Variants in MAP2K5 observed in about 807,000 individuals in gnomAD.
MAP2K5 encodes the protein mitogen-activated protein kinase kinase 5.
MAP2K5 carries 49 observed loss-of-function variants against 83.1 expected under a neutral mutation model. The ratio of observed to expected loss-of-function variants is 0.59; its 90% CI spans 0.47 to 0.75. The LOEUF is 0.75. Ranked by LOEUF, MAP2K5 falls within the 30% of genes least tolerant of loss-of-function variation. The pLI is 0.00. For missense variants in MAP2K5, 457 were observed against 557.5 expected (o/e 0.82, Z 1.82); for synonymous variants, 202 against 191.8 (o/e 1.05, Z -0.44).
chr15:67,605,285 C>T (rs745879721), intron 8 of MAP2K5, among the ~76,000 whole-genome samples: 1 of 151,824 alleles, frequency 6.6e-6, no homozygotes, highest in Non-Finnish European at 1.5e-5. Context: ...GATCTCCTGA[C>T]GTCATGATCC....
intron 13 of MAP2K5, among the ~76,000 whole-genome samples, chr15:67,681,159 A>G (rs978962325): frequency 6.6e-6 from 1 of 152,216 alleles, no homozygotes; most frequent in African/African-American, 2.4e-5. Context: ...TTCTCTTAAC[A>G]GCCTTGTCAA....
intron 3 of MAP2K5, among the ~76,000 whole-genome samples, chr15:67,580,432 G>T (rs984253783): frequency 6.6e-6 from 1 of 152,136 alleles, no homozygotes; most frequent in Non-Finnish European, 1.5e-5. Context: ...AGAGCAAGAG[G>T]CAATTTGGGA....
chr15:67,630,825 C>CCT, intron 8 of MAP2K5, 63 bp from the exon 9 acceptor site: 1 of 1,202,136 alleles, frequency 8.3e-7, no homozygotes, highest in Non-Finnish European at 1.2e-6. Flanking sequence ...ACATTTATGT[C>CCT]CTTAACCATT....
rs1372637499 is a variant in MAP2K5, at chr15:67,786,554, T to A, written c.1242+13802T>A. Reference sequence around the variant, plus strand: ...TAGAGAAGGTAGATGAGTGCCAAGCTGCTGGCTTGGGTGGTGCGGGAGCTC... The same window carrying A: ...TAGAGAAGGTAGATGAGTGCCAAGCAGCTGGCTTGGGTGGTGCGGGAGCTC... On this transcript the variant is annotated intron_variant, in intron 21 of 21. Transcript: ENST00000178640. The surrounding 1 kb of genome is among the most constrained non-coding windows in gnomAD (Gnocchi z 4.7). 6.6e-6 allele frequency among the ~76,000 whole-genome samples: 1 copy of A among 152,250 alleles called. No homozygotes were observed. Among genetic ancestry groups the A allele is most frequent in the Non-Finnish European group, 1.5e-5 (1 of 68,044 alleles).
intron 1 of MAP2K5, chr15:67,549,032 G>T (rs758501897): frequency 3.6e-4 from 520 of 1,464,788 alleles, no homozygotes; most frequent in Non-Finnish European, 4.4e-4. Context: ...GCCCTGCTTG[G>T]AAAGGCTGTG....
chr15:67,779,922 C>T lies in MAP2K5; in HGVS notation c.1242+7170C>T, dbSNP rs1311970780. Among the ~76,000 whole-genome samples, 1 of 152,156 alleles carries T rather than the reference C, an allele frequency of 6.6e-6. No homozygotes were observed. The highest frequency in any genetic ancestry group is 1.9e-4 in the East Asian group (1 of 5,202). On this transcript the variant is annotated intron_variant, in intron 21 of 21. Transcript: ENST00000178640. The surrounding 1 kb of genome is among the most constrained non-coding windows in gnomAD (Gnocchi z 4.6). ...ATGTTACACTTTAGTTCCTCATTGG[C>T]CATGACTCAGCTCACTAGAACTTTC...
At chr15:67,707,312 TTTG>T in intron 16 of MAP2K5, among the ~76,000 whole-genome samples, 1 of 152,360 alleles carries the variant, frequency 6.6e-6, no homozygotes, top group Non-Finnish European at 1.5e-5. Context: ...AAGATTCTTA[TTTG>T]TTTTTACCGT....
Position 67,559,682 on chromosome 15 carries a change from T to A in MAP2K5, c.185-3601T>A, listed in dbSNP as rs2084696824. ...AACAAAATCTAGCCAGTACATAGGC[T>A]TTCTGGTTCTACTTTTGCTTCCCTA... On this transcript the variant is annotated intron_variant, in intron 2 of 21. Transcript: ENST00000178640. The surrounding 1 kb of genome is among the most constrained non-coding windows in gnomAD (Gnocchi z 4.7). Among the ~76,000 whole-genome samples the A allele has an allele frequency of 6.6e-6, 1 of 152,192 alleles. No individual in the cohort carries two copies. The highest frequency in any genetic ancestry group is 1.5e-5 in the Non-Finnish European group (1 of 68,038).
chr15:67,643,777 CT>C (rs143894244), intron 9 of MAP2K5, among the ~76,000 whole-genome samples: 24,527 of 151,840 alleles, frequency 0.16, 2,071 homozygotes, highest in African/African-American at 0.19. Context: ...CCACCTATGC[CT>C]TTTTTTTCCC....
At chr15:67,647,583 C>CA (rs1440382355) in intron 11 of MAP2K5, among the ~76,000 whole-genome samples, 2 of 151,118 alleles carry the variant, frequency 1.3e-5, no homozygotes, top group African/African-American at 2.4e-5. Context: ...CTCATCTTTA[C>CA]AAAAAAATTT....
intron 8 of MAP2K5, chr15:67,627,806 C>T (rs930999291): frequency 1.1e-5 from 4 of 367,196 alleles, no homozygotes; most frequent in South Asian, 5.0e-5. Flanking sequence ...TGCTCGTGGA[C>T]GCCACAGAGG....
chr15:67,624,856 C>G (rs1003576382), intron 8 of MAP2K5, among the ~76,000 whole-genome samples: 1 of 152,254 alleles, frequency 6.6e-6, no homozygotes, highest in East Asian at 1.9e-4. Flanking sequence ...GTCTTGAACT[C>G]CTGACCTCAG....
chr15:67,663,025 A>G (rs947792146), intron 12 of MAP2K5, among the ~76,000 whole-genome samples: 2 of 152,212 alleles, frequency 1.3e-5, no homozygotes, highest in Admixed American at 6.5e-5. Flanking sequence ...TGCTTCACCC[A>G]TATTCCCCAG....
chr15:67,575,896 T>TTTCTTTCTTTCTTTCTTTCTTTCTTTC (rs1746890045), intron 3 of MAP2K5, among the ~76,000 whole-genome samples: 1 of 68,412 alleles, frequency 1.5e-5, no homozygotes, highest in African/African-American at 7.3e-5. Flanking sequence ...TCTCTTCTTT[T>TTTCTTTCTTTCTTTCTTTCTTTCTTTC]TTTCTTTCTT....
intron 2 of MAP2K5, among the ~76,000 whole-genome samples, chr15:67,554,026 A>C (rs1158509272): frequency 1.3e-5 from 2 of 152,166 alleles, no homozygotes; most frequent in Non-Finnish European, 2.9e-5. Context: ...CCCTTGAATA[A>C]ATACAACTTT....
At chr15:67,639,130 G>A (rs113845304) in intron 9 of MAP2K5, among the ~76,000 whole-genome samples, 20,872 of 152,174 alleles carry the variant, frequency 0.14, 1,524 homozygotes, top group South Asian at 0.16. Context: ...TGACAAATGG[G>A]ATCTAATTAA....
rs1277193655 is a variant in MAP2K5 at position 67,552,542 on chromosome 15, T to C, written c.184+2460T>C. Among the ~76,000 whole-genome samples, 1 of 152,074 alleles carries C rather than the reference T, an allele frequency of 6.6e-6. No homozygotes were observed. The highest frequency in any genetic ancestry group is 6.5e-5 in the Admixed American group (1 of 15,280). The stretch of plus-strand genomic sequence containing the variant: ...CTTAAACTCCTGGGCTCAAGTGATC[T>C]TCCTGCCTCAGCCTCCCGAGTAGCT... On this transcript the variant is annotated intron_variant, in intron 2 of 21. Coordinates refer to ENST00000178640, the MANE Select transcript of MAP2K5 (RefSeq NM_145160.3). The surrounding 1 kb of genome is among the most constrained non-coding windows in gnomAD (Gnocchi z 4.2).
chr15:67,659,147 A>G (rs907748159), intron 12 of MAP2K5: 2 of 237,008 alleles, frequency 8.4e-6, no homozygotes, highest in Non-Finnish European at 1.7e-5. Flanking sequence ...TATTTTCTAT[A>G]TGCACTAATA....
At chr15:67,626,561 G>C (rs1350703758) in intron 8 of MAP2K5, among the ~76,000 whole-genome samples, 1 of 151,948 alleles carries the variant, frequency 6.6e-6, no homozygotes, top group African/African-American at 2.4e-5. Flanking sequence ...TAATATAGGG[G>C]ATAGGGTTCC....
Sources: gnomAD v4.1 joint callset for allele counts (sites outside exome capture counted in the v4.1 genomes callset) on GRCh38, gnomAD v4.1.1 for gene constraint, Gnocchi (gnomAD v3.1) non-coding constraint, MANE v1.5 for transcripts, NCBI Gene and HGNC (gene_info 2026-07-23, HGNC 2026-07-21) for gene names.